SORCS2: variants seen among roughly 807,000 people sequenced by gnomAD.
SORCS2 encodes sortilin related VPS10 domain containing receptor 2, also known as VPS10 domain-containing receptor SorCS2.
SORCS2 carries 100 observed loss-of-function variants against 141.6 expected under a neutral mutation model. That is an observed-to-expected ratio of 0.71 (90% CI 0.60 to 0.83). The LOEUF is 0.83. Among genes scored for constraint, SORCS2 ranks in the 40% least tolerant of loss-of-function variants. The probability of loss-of-function intolerance (pLI) is 0.00; values close to 1 mark genes in which losing one functional copy is unlikely to be tolerated. For synonymous variants in SORCS2, 789 were observed against 676.9 expected, an observed-to-expected ratio of 1.17 and a Z score of -2.57; for missense variants, 1,646 against 1,560.2, an observed-to-expected ratio of 1.05 and a Z score of -0.93.
intron 1 of SORCS2, among the ~76,000 whole-genome samples, chr4:7,228,879 C>T (rs955706715): frequency 2.6e-5 from 4 of 152,204 alleles, no homozygotes; most frequent in East Asian, 3.9e-4. Context: ...CATCAGCAGC[C>T]GGGCTGGTGC....
intron 2 of SORCS2, among the ~76,000 whole-genome samples, chr4:7,511,413 G>C (rs1399337256): frequency 3.5e-5 from 5 of 142,536 alleles, no homozygotes. Flanking sequence ...GAGAGAGGGG[G>C]AGGGAGAGAG....
At chr4:7,425,103 C>T (rs1364704070) in intron 2 of SORCS2, among the ~76,000 whole-genome samples, 1 of 152,234 alleles carries the variant, frequency 6.6e-6, no homozygotes, top group Non-Finnish European at 1.5e-5. Context: ...CTCCCCTGTC[C>T]TGCTCTCTCC....
chr4:7,479,166 G>C (rs1299408793), intron 2 of SORCS2, among the ~76,000 whole-genome samples: 7 of 151,864 alleles, frequency 4.6e-5, no homozygotes, highest in Non-Finnish European at 1.0e-4. Flanking sequence ...GCAGCCAGCT[G>C]CCCTCTCTCT....
At chr4:7,522,721 G>T (rs11731369) in intron 2 of SORCS2, among the ~76,000 whole-genome samples, 12,681 of 35,912 alleles carry the variant, frequency 0.35, 1,323 homozygotes, top group East Asian at 0.78. Context: ...CCCTTCTCCC[G>T]TTTTCCCTCC....
intron 1 of SORCS2, among the ~76,000 whole-genome samples, chr4:7,354,036 T>C (rs1721106826): frequency 6.6e-6 from 1 of 152,170 alleles, no homozygotes; most frequent in Admixed American, 6.5e-5. Context: ...CACTTCTCTC[T>C]CTCTGAAATA....
At chr4:7,440,470 G>A (rs1350639398) in intron 2 of SORCS2, among the ~76,000 whole-genome samples, 1 of 152,240 alleles carries the variant, frequency 6.6e-6, no homozygotes, top group Admixed American at 6.5e-5. Context: ...TGGCCCTTGT[G>A]GCCCTGCCAT....
intron 10 of SORCS2, among the ~76,000 whole-genome samples, chr4:7,687,418 T>C (rs1723947281): frequency 6.6e-6 from 1 of 152,170 alleles, no homozygotes; most frequent in Admixed American, 6.5e-5. Flanking sequence ...GCTTTTCCAC[T>C]GTAAGAAATC....
intron 3 of SORCS2, among the ~76,000 whole-genome samples, chr4:7,612,777 A>G (rs1039703469): frequency 1.3e-5 from 2 of 151,720 alleles, no homozygotes; most frequent in African/African-American, 4.8e-5. Flanking sequence ...CCCACCCCAC[A>G]GGAGCTTCGC....
At chr4:7,345,092 G>A (rs1158244864) in intron 1 of SORCS2, among the ~76,000 whole-genome samples, 1 of 152,152 alleles carries the variant, frequency 6.6e-6, no homozygotes, top group East Asian at 1.9e-4. Context: ...ATTAGAGGGG[G>A]AAGGATTTTA....
chr4:7,664,516 TG>T lies in SORCS2; in HGVS notation c.1071+47del, dbSNP rs1334071144. On this transcript the variant is annotated intron_variant, in intron 7 of 26. Transcript: ENST00000507866. This position sits in a 1 kb window ranked among gnomAD's most constrained non-coding sequence, Gnocchi z 4.7. ...TTTTGGAAATTGGCAACAGGTGACG[TG>T]GCGGATGACCCGTTCGCGGCAAAAA... 2 of 1,428,232 alleles carry T rather than the reference TG, an allele frequency of 1.4e-6. No homozygotes were observed. The highest frequency in any genetic ancestry group is 2.1e-5 in the Admixed American group (1 of 48,454). The allele number at this position is 1,428,232 out of a possible 1,614,324, so 88.5% of individuals were successfully genotyped here.
rs1045277999 is a variant in SORCS2 at position 7,540,901 on chromosome 4, C to T, written c.648+9272C>T. ...CAGGCCTGGCCCTGGCAATCAGTGT[C>T]GTAAAGTGGCCAAGGGAACCGGCCA... On this transcript the variant is annotated intron_variant, in intron 3 of 26. Transcript: ENST00000507866. 4.6e-5 allele frequency among the ~76,000 whole-genome samples: 7 copies of T among 152,348 alleles called. No homozygotes were observed. In the East Asian group the frequency reaches 1.3e-3, roughly 29 times the overall value.
intron 1 of SORCS2, among the ~76,000 whole-genome samples, chr4:7,227,088 C>T (rs544682911): frequency 6.6e-6 from 1 of 151,998 alleles, no homozygotes; most frequent in Admixed American, 6.5e-5. Context: ...GGTACTCTTA[C>T]GCACTTGTGG....
chr4:7,550,086 G>A (rs1430700542), intron 3 of SORCS2, among the ~76,000 whole-genome samples: 3 of 95,072 alleles, frequency 3.2e-5, no homozygotes, highest in Non-Finnish European at 4.0e-5. Context: ...CACACCTGCC[G>A]GGAGCTGGTG....
chr4:7,456,733 A>G (rs1453573338), intron 2 of SORCS2, among the ~76,000 whole-genome samples: 3 of 152,082 alleles, frequency 2.0e-5, no homozygotes, highest in Non-Finnish European at 2.9e-5. Flanking sequence ...AGTGGCTTTG[A>G]GCCAGACCTT....
chr4:7,419,172 C>A (rs1403899765), intron 2 of SORCS2, among the ~76,000 whole-genome samples: 1 of 152,138 alleles, frequency 6.6e-6, no homozygotes, highest in Non-Finnish European at 1.5e-5. Flanking sequence ...TGAATTGCAG[C>A]CATTTTTTTC....
intron 1 of SORCS2, among the ~76,000 whole-genome samples, chr4:7,299,412 CTTTCTG>C (rs1717289004): frequency 6.6e-6 from 1 of 152,228 alleles, no homozygotes. Flanking sequence ...TGCTAAGTTC[CTTTCTG>C]TATGGATCGC....
chr4:7,206,499 C>G (rs1727750803), intron 1 of SORCS2, among the ~76,000 whole-genome samples: 1 of 152,194 alleles, frequency 6.6e-6, no homozygotes, highest in Non-Finnish European at 1.5e-5. Context: ...CACGAGTAAC[C>G]TGGGAAGCTC....
At chr4:7,364,399 T>G (rs1721758911) in intron 1 of SORCS2, among the ~76,000 whole-genome samples, 1 of 152,208 alleles carries the variant, frequency 6.6e-6, no homozygotes, top group Non-Finnish European at 1.5e-5. Flanking sequence ...GCAATGTGAC[T>G]GACATTTTCT....
At chr4:7,271,835 G>T (rs1365543019) in intron 1 of SORCS2, among the ~76,000 whole-genome samples, 2 of 152,260 alleles carry the variant, frequency 1.3e-5, no homozygotes, top group African/African-American at 2.4e-5. Context: ...AGCAGAGAGA[G>T]TGGGTGTTTG....
Sources: gnomAD v4.1 joint callset for allele counts (sites outside exome capture counted in the v4.1 genomes callset) on GRCh38, gnomAD v4.1.1 for gene constraint, Gnocchi (gnomAD v3.1) non-coding constraint, MANE v1.5 for transcripts, NCBI Gene and HGNC (gene_info 2026-07-23, HGNC 2026-07-21) for gene names.